The following ZDHHC7 variants were observed in gnomAD, a reference collection of about 807,000 sequenced individuals.
ZDHHC7 encodes zDHHC palmitoyltransferase 7.
In ZDHHC7, 12 loss-of-function variants were observed where a neutral mutation model predicts 34.1. The ratio of observed to expected loss-of-function variants is 0.35; its 90% CI spans 0.23 to 0.57. ZDHHC7 has a LOEUF of 0.57. Ranked by LOEUF, ZDHHC7 falls within the 20% of genes least tolerant of loss-of-function variation. The pLI, the probability that ZDHHC7 is intolerant of heterozygous loss-of-function variation, is 0.84. For missense variants in ZDHHC7, 388 were observed against 402.7 expected (o/e 0.96, Z 0.31); for synonymous variants, 185 against 155.4 (o/e 1.19, Z -1.42).
At chr16:84,984,762 G>A (rs1181425887) in intron 3 of ZDHHC7, among the ~76,000 whole-genome samples, 3 of 152,144 alleles carry the variant, frequency 2.0e-5, no homozygotes, top group Non-Finnish European at 4.4e-5. Context: ...GGTGTCCTGG[G>A]GGTTTCAAGG....
chr16:84,987,727 T>C (rs944313283), intron 3 of ZDHHC7, among the ~76,000 whole-genome samples: 2 of 152,016 alleles, frequency 1.3e-5, no homozygotes, highest in African/African-American at 2.4e-5. Context: ...TGGCTATAGG[T>C]GAGAAGGGTC....
chr16:84,991,480 G>C (rs1413017333), intron 2 of ZDHHC7, among the ~76,000 whole-genome samples: 1 of 151,932 alleles, frequency 6.6e-6, no homozygotes, highest in Non-Finnish European at 1.5e-5. Context: ...TAGAGATGGA[G>C]TTTCACCATG....
chr16:85,027,083 T>C, the ZDHHC7 span, among the ~76,000 whole-genome samples: 1 of 152,224 alleles, frequency 6.6e-6, no homozygotes, highest in Non-Finnish European at 1.5e-5. Flanking sequence ...TTGTGTTTAC[T>C]GTATTTGCTG....
At position 84,990,728 on chromosome 16, in the gene ZDHHC7, A is replaced by G. The variant is rs904666728; in HGVS notation, c.-17-93T>C. On this transcript the variant is annotated intron_variant, in intron 2 of 7. Transcript: ENST00000313732. ...GTTACAGTTTGTCCTTGGCCATTTC[A>G]TGAAGTTAGTCTAAATACACATAGT... is the stretch of plus-strand genomic sequence containing the variant. The G allele has an allele frequency of 9.6e-6, 10 of 1,042,812 alleles. No homozygotes were observed. The African/African-American group carries it at 1.6e-4, about 17-fold the overall frequency. The allele number at this position is 1,042,812 out of a possible 1,614,324, so 64.6% of individuals were successfully genotyped here.
At position 84,976,116 on chromosome 16, in the gene ZDHHC7, GCTT is replaced by G; in HGVS notation, c.*224_*226del. 1.7e-6 allele frequency: 1 copy of G among 575,908 alleles called. No individual in the cohort carries two copies. Among genetic ancestry groups the G allele is most frequent in the Non-Finnish European group, 3.0e-6 (1 of 337,830 alleles). 35.7% of individuals were successfully genotyped at this position (575,908 alleles called of 1,614,324 possible). A position where few individuals can be genotyped will look rare whatever the true frequency, so the allele number is the denominator to read the frequency against. On this transcript the variant is annotated 3_prime_UTR_variant, in exon 8 of 8. Transcript: ENST00000313732. ...GCTCTGCAGGAGGCCACGGCGTTTG[GCTT>G]CTTCGTGTGGCCACACACCTTTCCG...
rs542771052 is a variant in ZDHHC7, at chr16:84,983,760, GGGA to G, written c.316-1769_316-1767del. 8.1e-3 allele frequency among the ~76,000 whole-genome samples: 1,231 copies of G among 152,086 alleles called. 10 individuals are homozygous for G. The highest frequency in any genetic ancestry group is 0.015 in the Non-Finnish European group (1,018 of 67,956). On this transcript the variant is annotated intron_variant, in intron 3 of 7. Transcript: ENST00000313732. ...CTCACGGCTTTAATCCCAGCACTTTGGGAGGCTGAGGTGGGTGGATCACGAGGT... is the reference window on the plus strand; with the variant it reads ...CTCACGGCTTTAATCCCAGCACTTTGGGCTGAGGTGGGTGGATCACGAGGT...
At chr16:84,979,157 TG>T in intron 5 of ZDHHC7, 31 bp downstream of exon 5, 2 of 1,575,500 alleles carry the variant, frequency 1.3e-6, no homozygotes, top group South Asian at 2.4e-5. Context: ...TCAAATTCAA[TG>T]TAAATTCAAT....
At chr16:84,982,628 C>A (rs778125420) in intron 3 of ZDHHC7, among the ~76,000 whole-genome samples, 1 of 152,206 alleles carries the variant, frequency 6.6e-6, no homozygotes, top group Non-Finnish European at 1.5e-5. Context: ...ACTTTAATTT[C>A]GTGTTGCTAA....
chr16:84,991,318 A>G (rs1169191227), intron 2 of ZDHHC7, among the ~76,000 whole-genome samples: 1 of 151,364 alleles, frequency 6.6e-6, no homozygotes, highest in African/African-American at 2.4e-5. Context: ...ACCAAGTCTC[A>G]CTCTGTTGCC....
chr16:85,011,662 G>A (rs1018916917), upstream of ZDHHC7: 2 of 152,218 alleles, frequency 1.3e-5, no homozygotes, highest in Non-Finnish European at 2.9e-5. Flanking sequence ...ATTGAGAAAA[G>A]GCAGCTTTTA....
intron 1 of ZDHHC7, among the ~76,000 whole-genome samples, chr16:85,004,180 G>T (rs1020021931): frequency 6.6e-6 from 1 of 151,550 alleles, no homozygotes; most frequent in Non-Finnish European, 1.5e-5. Context: ...CTCAATCAAC[G>T]GCACACCACA....
chr16:85,011,588 C>T (rs1452159852), upstream of ZDHHC7: 6 of 152,254 alleles, frequency 3.9e-5, no homozygotes, highest in East Asian at 1.9e-4. Flanking sequence ...CCGCGCAGCT[C>T]TCGCGGAGAG....
At chr16:85,019,950 C>T in the ZDHHC7 span, among the ~76,000 whole-genome samples, 1 of 152,188 alleles carries the variant, frequency 6.6e-6, no homozygotes, top group Admixed American at 6.5e-5. Context: ...TTCATCCTCA[C>T]CACCCTGTGA....
upstream of ZDHHC7, among the ~76,000 whole-genome samples, chr16:85,013,565 G>T (rs2072821571): frequency 1.3e-5 from 2 of 151,864 alleles, 1 homozygote; most frequent in South Asian, 4.1e-4. Context: ...CTTTGTCGAA[G>T]GTACTATGTG....
intron 1 of ZDHHC7, among the ~76,000 whole-genome samples, chr16:85,010,027 G>A (rs1445918417): frequency 6.8e-6 from 1 of 147,992 alleles, no homozygotes; most frequent in African/African-American, 2.5e-5. Context: ...CTTTTAACAA[G>A]CGAATTTAAC....
the ZDHHC7 span, among the ~76,000 whole-genome samples, chr16:85,022,275 C>A: frequency 1.3e-5 from 2 of 152,036 alleles, no homozygotes; most frequent in Non-Finnish European, 2.9e-5. Context: ...AATCCCAGCA[C>A]TTTAGGAGGC....
chr16:85,008,107 C>A (rs1269870369), intron 1 of ZDHHC7, among the ~76,000 whole-genome samples: 2 of 152,020 alleles, frequency 1.3e-5, no homozygotes, highest in Admixed American at 6.5e-5. Context: ...AAGAGCAAGA[C>A]CCTCTCAAAG....
At position 84,990,591 on chromosome 16, in the gene ZDHHC7, C is replaced by G; in HGVS notation, c.28G>C (p.Asp10His). MQPSGHRLR[D>H]VEHHPLLAEN... ...GCCAGGAGAGGATGATGCTCGACGT[C>G]CCGGAGCCTGTGTCCTGATGGCTGC... The change falls in exon 3 of 8, where the codon GAC (aspartate) becomes CAC (histidine). Residue 10 changes from aspartate (D) to histidine (H), a missense_variant. By Grantham distance (81) the Asp-to-His change is moderately conservative (BLOSUM62 -1). Transcript: ENST00000313732. 1 of 1,613,992 alleles carries G rather than the reference C, an allele frequency of 6.2e-7. No individual in the cohort carries two copies. The highest frequency in any genetic ancestry group is 8.5e-7 in the Non-Finnish European group (1 of 1,180,024).
intron 3 of ZDHHC7, among the ~76,000 whole-genome samples, chr16:84,983,949 G>T (rs921025789): frequency 7.3e-6 from 1 of 136,752 alleles, no homozygotes; most frequent in African/African-American, 2.8e-5. Flanking sequence ...CCAAGATCAC[G>T]CCACTGCACT....
Sources: gnomAD v4.1 joint callset for allele counts (sites outside exome capture counted in the v4.1 genomes callset) on GRCh38, gnomAD v4.1.1 for gene constraint, MANE v1.5 for transcripts, NCBI Gene and HGNC (gene_info 2026-07-23, HGNC 2026-07-21) for gene names.